Variants in PRKG1 observed in about 807,000 individuals in gnomAD.
The protein encoded by PRKG1 is cGMP-dependent protein kinase 1.
PRKG1 carries 35 observed loss-of-function variants against 88.1 expected under a neutral mutation model. The observed-to-expected ratio is 0.40, with a 90% CI of 0.30 to 0.53. The LOEUF (loss-of-function observed/expected upper bound fraction) is 0.53. Among genes scored for constraint, PRKG1 ranks in the 20% least tolerant of loss-of-function variants. PRKG1 has a pLI of 0.59. For synonymous variants in PRKG1, 303 were observed against 292.5 expected (o/e 1.04, Z -0.37); for missense variants, 540 against 839.8 (o/e 0.64, Z 4.41).
At chr10:51,437,329 T>C (rs1050080921) in intron 2 of PRKG1, among the ~76,000 whole-genome samples, 1 of 152,024 alleles carries the variant, frequency 6.6e-6, no homozygotes, top group Non-Finnish European at 1.5e-5. Context: ...TTTCCAAGGG[T>C]CATTAACCAG....
chr10:52,241,388 G>A (rs934687148), intron 9 of PRKG1, among the ~76,000 whole-genome samples: 21 of 152,138 alleles, frequency 1.4e-4, no homozygotes, highest in Admixed American at 5.9e-4. Context: ...AGTGAGCTTC[G>A]TAGACATGTC....
At chr10:51,359,678 T>C (rs1053047604) in intron 2 of PRKG1, among the ~76,000 whole-genome samples, 1 of 151,916 alleles carries the variant, frequency 6.6e-6, no homozygotes, top group African/African-American at 2.4e-5. Flanking sequence ...GGAGTGAGAC[T>C]TTCCTTGCTG....
At chr10:51,983,477 G>C (rs1034628382) in intron 5 of PRKG1, among the ~76,000 whole-genome samples, 4 of 152,156 alleles carry the variant, frequency 2.6e-5, no homozygotes. Flanking sequence ...AGCAGGTGTG[G>C]CCATGCTGGG....
Position 51,528,243 on chromosome 10 carries a change from C to G in PRKG1, c.592+60407C>G, listed in dbSNP as rs552080213. On this transcript the variant is annotated intron_variant, in intron 3 of 17. Transcript: ENST00000373980. Reference sequence around the variant, plus strand: ...TTTTAATCAGTACCTCCTCTCATAACAAATAATCCTGATTTTTCATTTGTG... The same window carrying G: ...TTTTAATCAGTACCTCCTCTCATAAGAAATAATCCTGATTTTTCATTTGTG... 3.9e-4 allele frequency among the ~76,000 whole-genome samples: 59 copies of G among 152,300 alleles called. 1 individual carries two copies. In the East Asian group the frequency reaches 0.011, roughly 28 times the overall value.
chr10:51,036,800 G>A (rs1291441918), intron 1 of PRKG1, among the ~76,000 whole-genome samples: 2 of 152,242 alleles, frequency 1.3e-5, no homozygotes, highest in East Asian at 3.9e-4. Flanking sequence ...ACATATTAAT[G>A]GGGAAGGGAA....
intron 4 of PRKG1, among the ~76,000 whole-genome samples, chr10:51,815,300 T>A (rs1427784373): frequency 6.6e-6 from 1 of 152,208 alleles, no homozygotes; most frequent in Non-Finnish European, 1.5e-5. Flanking sequence ...GCTTGTAAAA[T>A]GTTTTGTACA....
chr10:51,643,186 A>G (rs7899688), intron 3 of PRKG1, among the ~76,000 whole-genome samples: 122,671 of 152,106 alleles, frequency 0.81, 50,564 homozygotes, highest in South Asian at 0.91. Flanking sequence ...AACAGGTGTC[A>G]TATTTGAGAA....
chr10:51,780,460 A>G (rs987339128), intron 3 of PRKG1, among the ~76,000 whole-genome samples: 4 of 152,200 alleles, frequency 2.6e-5, no homozygotes, highest in African/African-American at 7.2e-5. Flanking sequence ...AAAAAGACTT[A>G]AAAACATTCT....
At chr10:51,037,334 T>C (rs879352038) in intron 1 of PRKG1, among the ~76,000 whole-genome samples, 13 of 151,898 alleles carry the variant, frequency 8.6e-5, no homozygotes, top group Non-Finnish European at 1.9e-4. Flanking sequence ...TATGGCATCC[T>C]TGGGCATATT....
intron 3 of PRKG1, among the ~76,000 whole-genome samples, chr10:51,623,363 G>T (rs1201464534): frequency 1.3e-5 from 2 of 152,128 alleles, no homozygotes; most frequent in Non-Finnish European, 2.9e-5. Flanking sequence ...GCCATGACTG[G>T]CTAATTTTTT....
chr10:52,205,836 C>T (rs941996206), intron 9 of PRKG1, among the ~76,000 whole-genome samples: 1 of 152,044 alleles, frequency 6.6e-6, no homozygotes, highest in Non-Finnish European at 1.5e-5. Context: ...TCTCTAGCTG[C>T]TTAAAATTTT....
intron 6 of PRKG1, among the ~76,000 whole-genome samples, chr10:52,061,787 A>T (rs1846241941): frequency 6.6e-6 from 1 of 152,098 alleles, no homozygotes. Context: ...CTACCAAATG[A>T]AGCATGTGGA....
At chr10:51,229,940 A>G (rs956934828) in intron 2 of PRKG1, among the ~76,000 whole-genome samples, 41 of 145,568 alleles carry the variant, frequency 2.8e-4, no homozygotes, top group Non-Finnish European at 1.2e-4. Context: ...AAAAAAAAAA[A>G]AAAAAAAAGA....
intron 3 of PRKG1, among the ~76,000 whole-genome samples, chr10:51,582,126 C>A (rs1838055065): frequency 6.6e-6 from 1 of 152,170 alleles, no homozygotes; most frequent in Non-Finnish European, 1.5e-5. Flanking sequence ...AATTTAACTG[C>A]TATTCTGCTA....
At chr10:51,267,863 T>C (rs10761985) in intron 2 of PRKG1, among the ~76,000 whole-genome samples, 41,753 of 151,956 alleles carry the variant, frequency 0.27, 5,973 homozygotes, top group African/African-American at 0.34. Context: ...ACACACAGAG[T>C]GGGAGAAAAT....
At chr10:51,627,947 T>C (rs55662296) in intron 3 of PRKG1, among the ~76,000 whole-genome samples, 10 of 16,452 alleles carry the variant, frequency 6.1e-4, no homozygotes, top group South Asian at 4.2e-3. Context: ...CCTTCCTTTC[T>C]TTCTTTCTTT....
intron 2 of PRKG1, among the ~76,000 whole-genome samples, chr10:51,289,869 G>A (rs1012991420): frequency 6.6e-5 from 10 of 152,104 alleles, no homozygotes; most frequent in African/African-American, 2.2e-4. Context: ...CTTTAACTTC[G>A]AGACTGCATT....
chr10:51,628,965 C>CAAAAAAAAA (rs199634329), intron 3 of PRKG1, among the ~76,000 whole-genome samples: 1 of 98,390 alleles, frequency 1.0e-5, no homozygotes, highest in Admixed American at 9.7e-5. Flanking sequence ...GACTCCGTCT[C>CAAAAAAAAA]AAAAAAAAAA....
At chr10:51,849,350 C>A (rs566786968) in intron 4 of PRKG1, among the ~76,000 whole-genome samples, 1 of 152,262 alleles carries the variant, frequency 6.6e-6, no homozygotes, top group Admixed American at 6.5e-5. Context: ...AGCCATAAAA[C>A]GAGTATTAAG....
Sources: gnomAD v4.1 joint callset for allele counts (sites outside exome capture counted in the v4.1 genomes callset) on GRCh38, gnomAD v4.1.1 for gene constraint, MANE v1.5 for transcripts, NCBI Gene and HGNC (gene_info 2026-07-23, HGNC 2026-07-21) for gene names.